Variants in SNTG2 observed in about 807,000 individuals in gnomAD.
SNTG2 encodes gamma-2-syntrophin.
A neutral mutation model predicts 70.9 loss-of-function variants in SNTG2; 74 were observed. The observed-to-expected ratio is 1.04, with a 90% confidence interval of 0.86 to 1.27. SNTG2 has a LOEUF of 1.27. Ranked by LOEUF, SNTG2 falls within the 50% of genes most tolerant of loss-of-function variation. The probability of loss-of-function intolerance (pLI) is 0.00; values close to 1 mark genes in which losing one functional copy is unlikely to be tolerated. For synonymous variants in SNTG2, 278 were observed against 273.8 expected, an observed-to-expected ratio of 1.02 and a Z score of -0.15; for missense variants, 717 against 690.7, an observed-to-expected ratio of 1.04 and a Z score of -0.43.
intron 9 of SNTG2, among the ~76,000 whole-genome samples, chr2:1,224,963 G>A (rs1412262968): frequency 1.3e-5 from 2 of 152,224 alleles, no homozygotes; most frequent in African/African-American, 4.8e-5. Context: ...TGCAGTGTTA[G>A]GCAGGAAAAC....
At chr2:1,305,268 A>G (rs1680624461) in intron 14 of SNTG2, among the ~76,000 whole-genome samples, 1 of 152,260 alleles carries the variant, frequency 6.6e-6, no homozygotes, top group Non-Finnish European at 1.5e-5. Context: ...CCAAATGACT[A>G]CACCAAATGA....
At chr2:1,154,997 C>T (rs1490410251) in intron 6 of SNTG2, among the ~76,000 whole-genome samples, 3 of 83,322 alleles carry the variant, frequency 3.6e-5, no homozygotes, top group Non-Finnish European at 1.2e-4. Context: ...CACATATACA[C>T]ACACACAAAC....
chr2:1,255,805 T>C (rs866061845), intron 12 of SNTG2, among the ~76,000 whole-genome samples: 17 of 121,928 alleles, frequency 1.4e-4, no homozygotes, highest in Admixed American at 5.8e-4. Context: ...TATATATATA[T>C]ACACAAAGTT....
At chr2:1,315,044 G>A (rs559426579) in intron 15 of SNTG2, among the ~76,000 whole-genome samples, 1 of 152,274 alleles carries the variant, frequency 6.6e-6, no homozygotes, top group South Asian at 2.1e-4. Context: ...CATGATTTTG[G>A]AATATTCTCT....
At chr2:1,214,090 T>G (rs959287222) in intron 9 of SNTG2, among the ~76,000 whole-genome samples, 7 of 152,230 alleles carry the variant, frequency 4.6e-5, no homozygotes, top group Non-Finnish European at 7.3e-5. Flanking sequence ...GGCTTTTTAT[T>G]CTGTTCCATT....
Position 1,235,045 on chromosome 2 carries a change from G to A in SNTG2, c.720-2843G>A, listed in dbSNP as rs551533263. 5.3e-5 allele frequency among the ~76,000 whole-genome samples: 8 copies of A among 152,356 alleles called. No individual in the cohort carries two copies. In the South Asian group the frequency reaches 1.2e-3, roughly 24 times the overall value. On this transcript the variant is annotated intron_variant, in intron 9 of 16. Coordinates refer to ENST00000308624, the MANE Select transcript of SNTG2 (RefSeq NM_018968.4). ...AGCTGGAGCCAAGCGGTGACCATGC[G>A]TGTCCTTCACACGCCCTCACGCGCA...
intron 1 of SNTG2, among the ~76,000 whole-genome samples, chr2:978,134 G>C (rs1474793061): frequency 3.3e-5 from 5 of 152,142 alleles, no homozygotes; most frequent in African/African-American, 9.7e-5. Flanking sequence ...ATTGCCTCTG[G>C]CCAGTGAAGG....
intron 6 of SNTG2, among the ~76,000 whole-genome samples, chr2:1,152,694 C>T (rs1006478786): frequency 2.0e-5 from 3 of 152,146 alleles, no homozygotes; most frequent in Admixed American, 6.5e-5. Context: ...AGGATCTGAG[C>T]CTTTATCCGG....
intron 1 of SNTG2, among the ~76,000 whole-genome samples, chr2:1,005,666 T>C (rs1444860238): frequency 6.6e-6 from 1 of 150,594 alleles, no homozygotes; most frequent in Non-Finnish European, 1.5e-5. Context: ...TAGCCAGGCG[T>C]GGTGACATGT....
intron 8 of SNTG2, among the ~76,000 whole-genome samples, chr2:1,195,535 C>T (rs749037112): frequency 6.6e-6 from 1 of 152,176 alleles, no homozygotes; most frequent in Non-Finnish European, 1.5e-5. Flanking sequence ...TGAGAAGTGT[C>T]TGTTCATATC....
intron 8 of SNTG2, among the ~76,000 whole-genome samples, chr2:1,175,737 G>A (rs1671431073): frequency 6.6e-6 from 1 of 152,160 alleles, no homozygotes; most frequent in Non-Finnish European, 1.5e-5. Flanking sequence ...TACCCTTTCT[G>A]TGCAGTTATC....
At chr2:1,155,176 C>CACACACA (rs547352326) in intron 6 of SNTG2, among the ~76,000 whole-genome samples, 35 of 147,352 alleles carry the variant, frequency 2.4e-4, no homozygotes, top group South Asian at 8.7e-4. Flanking sequence ...TAGACCCCCC[C>CACACACA]CCCACACACA....
chr2:1,293,911 G>T (rs570982146), intron 14 of SNTG2, among the ~76,000 whole-genome samples: 1 of 152,082 alleles, frequency 6.6e-6, no homozygotes, highest in Non-Finnish European at 1.5e-5. Flanking sequence ...TGGTTGATCC[G>T]AAACTGGAAC....
At chr2:1,127,996 G>C (rs1026032660) in intron 4 of SNTG2, among the ~76,000 whole-genome samples, 3 of 152,092 alleles carry the variant, frequency 2.0e-5, no homozygotes, top group African/African-American at 7.2e-5. Context: ...ACTATGTTGA[G>C]TAAGAGTGGT....
intron 1 of SNTG2, among the ~76,000 whole-genome samples, chr2:1,015,060 G>A (rs1330135386): frequency 6.6e-6 from 1 of 152,150 alleles, no homozygotes; most frequent in Non-Finnish European, 1.5e-5. Context: ...TTGGGTGGTG[G>A]ACAGCGCGGG....
intron 12 of SNTG2, among the ~76,000 whole-genome samples, chr2:1,248,697 A>C (rs1677579447): frequency 6.6e-6 from 1 of 152,174 alleles, no homozygotes. Context: ...AGCTCATCTC[A>C]GAGGTATTGA....
At chr2:1,324,236 T>C (rs1039127552) in intron 16 of SNTG2, among the ~76,000 whole-genome samples, 1 of 152,130 alleles carries the variant, frequency 6.6e-6, no homozygotes, top group East Asian at 1.9e-4. Flanking sequence ...AGTAGCTGAG[T>C]TGGGACAGTG....
chr2:1,097,788 G>A lies in SNTG2; in HGVS notation c.211-408G>A, dbSNP rs1041018896. Among the ~76,000 whole-genome samples, 3 of 151,956 alleles carry A rather than the reference G, an allele frequency of 2.0e-5. No homozygotes were observed. The highest frequency in any genetic ancestry group is 2.9e-5 in the Non-Finnish European group (2 of 68,010). On this transcript the variant is annotated intron_variant, in intron 2 of 16. Coordinates refer to ENST00000308624, the MANE Select transcript of SNTG2 (RefSeq NM_018968.4). This position sits in a 1 kb window ranked among gnomAD's most constrained non-coding sequence, Gnocchi z 4.1. The stretch of plus-strand genomic sequence containing the variant: ...CTTCAGCAGAGACGTACAGTGAAGC[G>A]TGAGCCGGTCCTGGGGTTGGTGGGT...
intron 16 of SNTG2, among the ~76,000 whole-genome samples, chr2:1,335,261 C>CT (rs1444202020): frequency 7.2e-5 from 11 of 152,190 alleles, no homozygotes; most frequent in Admixed American, 7.2e-4. Flanking sequence ...CTTTGAGAAA[C>CT]TTTATCAACA....
Sources: allele counts gnomAD v4.1 joint callset (sites outside exome capture counted in the v4.1 genomes callset), GRCh38; gene constraint gnomAD v4.1.1; non-coding constraint Gnocchi (gnomAD v3.1); transcripts MANE v1.5; gene names NCBI Gene and HGNC (gene_info 2026-07-23, HGNC 2026-07-21).